ICE1: variants seen among roughly 807,000 people sequenced by gnomAD.
ICE1 encodes the protein little elongation complex subunit 1.
In ICE1, 64 loss-of-function variants were observed where a neutral mutation model predicts 192.7. The observed-to-expected ratio is 0.33, with a 90% confidence interval of 0.27 to 0.41. The LOEUF (loss-of-function observed/expected upper bound fraction) is 0.41. Ranked by LOEUF, ICE1 falls within the 10% of genes least tolerant of loss-of-function variation. The probability of loss-of-function intolerance (pLI) is 1.00; values close to 1 mark genes in which losing one functional copy is unlikely to be tolerated. For synonymous variants in ICE1, 1,010 were observed against 984.5 expected (o/e 1.03, Z -0.49); for missense variants, 2,708 against 2,696.0 (o/e 1.00, Z -0.10).
intron 15 of ICE1, among the ~76,000 whole-genome samples, chr5:5,472,820 G>T (rs1350036397): frequency 6.6e-6 from 1 of 152,092 alleles, no homozygotes; most frequent in East Asian, 1.9e-4. Flanking sequence ...ACGTGAAAAG[G>T]CATGACTACT....
chr5:5,489,254 C>T lies in ICE1; in HGVS notation c.6725C>T (p.Ala2242Val), dbSNP rs754657216. The part of the protein sequence containing the change: ...SKILEAWRRE[A>V]SKSVPSAIVS... ...ATCCTGGAAGCTTGGCGGAGAGAGG[C>T]CTCCAAAAGCGTTCCGTCTGCGATT... The change falls in exon 19 of 19, where the codon GCC becomes GTC. Residue 2242 changes from alanine (A) to valine (V), a missense_variant. Ala to Val is a moderately conservative substitution (Grantham distance 64). Transcript: ENST00000296564. 58 of 1,613,724 alleles carry T rather than the reference C, an allele frequency of 3.6e-5. No homozygotes were observed. The highest frequency in any genetic ancestry group is 4.7e-5 in the Non-Finnish European group (56 of 1,179,862).
At chr5:5,445,860 A>G (rs975689568) in intron 7 of ICE1, among the ~76,000 whole-genome samples, 2 of 150,168 alleles carry the variant, frequency 1.3e-5, no homozygotes, top group Admixed American at 6.6e-5. Flanking sequence ...AGCTGGGCCT[A>G]TGTGTCATGT....
chr5:5,422,980 G>A lies in ICE1; in HGVS notation c.65G>A (p.Gly22Asp), dbSNP rs1737355771. 1.4e-6 allele frequency: 2 copies of A among 1,450,554 alleles called. No individual in the cohort carries two copies. The highest frequency in any genetic ancestry group is 1.8e-6 in the Non-Finnish European group (2 of 1,103,292). 89.9% of individuals were successfully genotyped at this position (1,450,554 alleles called of 1,614,324 possible). ...GCGGCGGACCTGTCGCGATGTCAGG[G>A]CTGCGCCTCTCTGCAGCAGGTGCAG... Reference protein sequence around the residue: ...GTAADLSRCQGCASLQQNLNE... With the variant: ...GTAADLSRCQDCASLQQNLNE... The change falls in exon 1 of 19, where the codon GGC (glycine) becomes GAC (aspartate). Residue 22 changes from glycine to aspartate, a missense_variant. Transcript: ENST00000296564.
In ICE1 at chr5:5,437,102, A is replaced by G; in HGVS notation, c.166A>G (p.Lys56Glu). Residue 56 changes from lysine to glutamate, a missense_variant, in exon 3 of 19, where the codon AAG becomes GAG. Physicochemically the swap from Lys to Glu is moderately conservative, Grantham distance 56. Coordinates refer to ENST00000296564, the MANE Select transcript of ICE1 (RefSeq NM_015325.3). ...NTDNLLTEYQ[K>E]KCDELQFARR... is the part of the protein sequence containing the mutation. Reference sequence around the variant, plus strand: ...CAGTAATTTGTTAACAGAATATCAGAAGAAATGTGATGATATCCTTTTACT... The same window carrying G: ...CAGTAATTTGTTAACAGAATATCAGGAGAAATGTGATGATATCCTTTTACT... 6.5e-7 allele frequency: 1 copy of G among 1,535,534 alleles called. No individual in the cohort carries two copies. The highest frequency in any genetic ancestry group is 8.9e-7 in the Non-Finnish European group (1 of 1,126,550).
chr5:5,437,781 C>G (rs926184849), intron 3 of ICE1: 1 of 152,188 alleles, frequency 6.6e-6, no homozygotes, highest in Non-Finnish European at 1.5e-5. Context: ...TGATTTAAAT[C>G]TCTCCTGTAA....
chr5:5,450,588 G>A (rs191905258), intron 10 of ICE1, among the ~76,000 whole-genome samples: 54 of 152,298 alleles, frequency 3.5e-4, no homozygotes, highest in Non-Finnish European at 7.4e-4. Flanking sequence ...CAAGTGTTGA[G>A]CGTGATTTTT....
chr5:5,461,366 A>G lies in ICE1; in HGVS notation c.2032A>G (p.Lys678Glu). 6.2e-7 allele frequency: 1 copy of G among 1,613,924 alleles called. No individual in the cohort carries two copies. The highest frequency in any genetic ancestry group is 2.2e-5 in the East Asian group (1 of 44,870). Residue 678 changes from lysine (K) to glutamate (E), a missense_variant, in exon 13 of 19, where the codon AAA becomes GAA. Lys to Glu is a moderately conservative substitution (Grantham distance 56). Coordinates refer to ENST00000296564, the MANE Select transcript of ICE1 (RefSeq NM_015325.3). ...PHHSEHKLQT[K>E]TLNTLHLQSE... ...TCATTCAGAACATAAATTGCAAACTAAAACTTTAAACACATTACATCTGCA... is the reference window on the plus strand; with the variant it reads ...TCATTCAGAACATAAATTGCAAACTGAAACTTTAAACACATTACATCTGCA...
chr5:5,480,144 TG>T lies in ICE1; in HGVS notation c.6520+4066del, dbSNP rs199682002. On this transcript the variant is annotated intron_variant, in intron 17 of 18. Coordinates refer to ENST00000296564, the MANE Select transcript of ICE1 (RefSeq NM_015325.3). ...TTCTCTATCTGCAGCATGTATTCTT[TG>T]CCCCTGGGGAATATAAAACAAGCTT... is the stretch of plus-strand genomic sequence containing the variant. Among the ~76,000 whole-genome samples the T allele has an allele frequency of 4.7e-3, 712 of 152,320 alleles. 6 individuals carry two copies. The highest frequency in any genetic ancestry group is 0.016 in the African/African-American group (675 of 41,574).
At chr5:5,429,584 G>A (rs1737636553) in intron 1 of ICE1, among the ~76,000 whole-genome samples, 6 of 152,210 alleles carry the variant, frequency 3.9e-5, no homozygotes, top group Admixed American at 2.0e-4. Flanking sequence ...TTACTGATTT[G>A]TTTGAGCAGA....
At chr5:5,467,327 A>G (rs1246501564) in intron 14 of ICE1, among the ~76,000 whole-genome samples, 1 of 152,226 alleles carries the variant, frequency 6.6e-6, no homozygotes, top group African/African-American at 2.4e-5. Context: ...TCATATCACA[A>G]AAACACACAT....
At position 5,462,116 on chromosome 5, in the gene ICE1, G is replaced by A. The variant is rs1425267168; in HGVS notation, c.2782G>A (p.Val928Ile). 1 of 1,613,880 alleles carries A rather than the reference G, an allele frequency of 6.2e-7. No individual in the cohort carries two copies. The highest frequency in any genetic ancestry group is 1.1e-5 in the South Asian group (1 of 91,086). The change falls in exon 13 of 19, where the codon GTT (valine) becomes ATT (isoleucine). Residue 928 changes from valine (V) to isoleucine (I), a missense_variant. Val to Ile is a conservative substitution (Grantham distance 29). Transcript: ENST00000296564. Reference sequence around the variant, plus strand: ...TGCTGTGAAAAGCATTTCACCAGAAGTTTCTGCCTCTAGGAGAAAATTAGA... The same window carrying A: ...TGCTGTGAAAAGCATTTCACCAGAAATTTCTGCCTCTAGGAGAAAATTAGA... ...VAAVKSISPE[V>I]SASRRKLDFN...
chr5:5,446,621 A>T (rs1486020299), intron 7 of ICE1, among the ~76,000 whole-genome samples: 1 of 152,198 alleles, frequency 6.6e-6, no homozygotes, highest in Non-Finnish European at 1.5e-5. Flanking sequence ...GTGAGACTAT[A>T]TATACAGGTT....
intron 10 of ICE1, among the ~76,000 whole-genome samples, chr5:5,451,310 C>G (rs765928966): frequency 6.6e-6 from 1 of 152,146 alleles, no homozygotes; most frequent in African/African-American, 2.4e-5. Flanking sequence ...TTACGTGATA[C>G]ATTGTCACTT....
intron 17 of ICE1, among the ~76,000 whole-genome samples, chr5:5,486,279 G>C (rs1739636863): frequency 6.6e-6 from 1 of 152,176 alleles, no homozygotes; most frequent in African/African-American, 2.4e-5. Flanking sequence ...TGTGGCTTTT[G>C]CACCATCAGA....
At chr5:5,466,690 A>G (rs1021951488) in intron 14 of ICE1, among the ~76,000 whole-genome samples, 188 bp downstream of exon 14, 3 of 152,228 alleles carry the variant, frequency 2.0e-5, no homozygotes, top group African/African-American at 4.8e-5. Context: ...TATCAGCACT[A>G]TATTTCCACT....
At chr5:5,440,337 G>A (rs1277402444) in intron 4 of ICE1, among the ~76,000 whole-genome samples, 2 of 152,152 alleles carry the variant, frequency 1.3e-5, no homozygotes, top group African/African-American at 2.4e-5. Flanking sequence ...AGATGAAGGC[G>A]AAACGTGGTT....
intron 7 of ICE1, among the ~76,000 whole-genome samples, chr5:5,444,716 T>C (rs186852015): frequency 4.6e-5 from 7 of 152,284 alleles, no homozygotes; most frequent in Middle Eastern, 6.8e-3. Flanking sequence ...GAAACATGTA[T>C]TTAGATAGTT....
chr5:5,449,376 G>A (rs1007384127), intron 10 of ICE1, among the ~76,000 whole-genome samples: 8 of 151,736 alleles, frequency 5.3e-5, no homozygotes, highest in African/African-American at 1.7e-4. Flanking sequence ...CAGAGTATTA[G>A]GTTGACTTCA....
At chr5:5,452,870 T>G (rs1382574804) in intron 10 of ICE1, among the ~76,000 whole-genome samples, 1 of 152,152 alleles carries the variant, frequency 6.6e-6, no homozygotes, top group Non-Finnish European at 1.5e-5. Flanking sequence ...GCCTTAGAGT[T>G]TGATAAAGGC....
Sources: allele counts gnomAD v4.1 joint callset (sites outside exome capture counted in the v4.1 genomes callset), GRCh38; gene constraint gnomAD v4.1.1; transcripts MANE v1.5; gene names NCBI Gene and HGNC (gene_info 2026-07-23, HGNC 2026-07-21).